The following CASS4 variants were observed in gnomAD, a reference collection of about 807,000 sequenced individuals.
CASS4 encodes Cas scaffold protein family member 4.
Under a neutral mutation model 54.2 loss-of-function variants are expected in CASS4, and 22 were observed. That is an observed-to-expected ratio of 0.41 (90% confidence interval 0.29 to 0.58). CASS4 has a LOEUF of 0.58. CASS4 is among the 20% of genes least tolerant of loss of function. CASS4 has a pLI of 0.36. For synonymous variants in CASS4, 409 were observed against 391.5 expected (o/e 1.04, Z -0.53); for missense variants, 854 against 986.7 (o/e 0.87, Z 1.80).
At chr20:56,415,821 C>T (rs1331399865) in intron 1 of CASS4, among the ~76,000 whole-genome samples, 1 of 152,200 alleles carries the variant, frequency 6.6e-6, no homozygotes, top group African/African-American at 2.4e-5. Flanking sequence ...GCTCCGTTGC[C>T]AGTAGAGCTG....
At chr20:56,441,678 T>C (rs1980466364) in intron 2 of CASS4, among the ~76,000 whole-genome samples, 1 of 152,148 alleles carries the variant, frequency 6.6e-6, no homozygotes, top group African/African-American at 2.4e-5. Context: ...ATGTGGTCTG[T>C]GGCTTACAAC....
intron 1 of CASS4, among the ~76,000 whole-genome samples, chr20:56,428,856 C>G (rs571513593): frequency 6.6e-6 from 1 of 152,328 alleles, no homozygotes; most frequent in South Asian, 2.1e-4. Flanking sequence ...GGTCATTAAT[C>G]TCTCCTAGTC....
At chr20:56,443,478 A>AAAAG (rs1215208023) in intron 2 of CASS4, among the ~76,000 whole-genome samples, 4 of 151,450 alleles carry the variant, frequency 2.6e-5, no homozygotes, top group Admixed American at 2.6e-4. Context: ...CCAAAAAAAA[A>AAAAG]AAGAAGCTTG....
At chr20:56,453,462 G>A (rs1981140192) in intron 5 of CASS4, 1 of 194,076 alleles carries the variant, frequency 5.2e-6, no homozygotes, top group Admixed American at 5.6e-5. Context: ...TCACCACCAA[G>A]TCTCCTTGCA....
At chr20:56,458,014 C>CAAA (rs11355939) in intron 5 of CASS4, among the ~76,000 whole-genome samples, 3 of 76,510 alleles carry the variant, frequency 3.9e-5, no homozygotes, top group Non-Finnish European at 7.8e-5. Context: ...AACTCTGTCT[C>CAAA]AAAAAAAAAA....
intron 1 of CASS4, among the ~76,000 whole-genome samples, chr20:56,420,538 G>A (rs1477674535): frequency 2.7e-5 from 4 of 150,526 alleles, no homozygotes; most frequent in South Asian, 2.1e-4. Flanking sequence ...ACTGGTGCAC[G>A]CCACCATGCC....
Position 56,450,587 on chromosome 20 carries a change from G to GTCCTTC in CASS4, c.562-10_562-9insCTTCTC. On this transcript the variant is annotated splice_polypyrimidine_tract_variant and intron_variant, in intron 3 of 5. Coordinates refer to ENST00000679887, the MANE Select transcript of CASS4 (RefSeq NM_020356.4). ...AACATTCAAGTTGTCTGCCTTTGTG[G>GTCCTTC]TCTTTCCCCAGGAGCCAGAGAAGCA... The GTCCTTC allele has an allele frequency of 6.2e-7, 1 of 1,613,646 alleles. No homozygotes were observed.
At chr20:56,413,585 AT>A (rs1978988418) in intron 1 of CASS4, among the ~76,000 whole-genome samples, 1 of 149,736 alleles carries the variant, frequency 6.7e-6, no homozygotes, top group South Asian at 2.1e-4. Context: ...AGGCACAAGA[AT>A]CGCTTGAGCC....
At chr20:56,433,419 G>A (rs1337705864) in intron 1 of CASS4, among the ~76,000 whole-genome samples, 2 of 152,178 alleles carry the variant, frequency 1.3e-5, no homozygotes, top group Admixed American at 6.5e-5. Context: ...GAGTCTGGAA[G>A]TGTGGGAAGA....
chr20:56,450,762 G>A lies in CASS4; in HGVS notation c.642+83G>A, dbSNP rs148258264. 228 of 1,316,408 alleles carry A rather than the reference G, an allele frequency of 1.7e-4. 1 individual carries two copies. In the East Asian group the frequency reaches 5.5e-3, roughly 32 times the overall value. The allele number at this position is 1,316,408 out of a possible 1,614,324, so 81.5% of individuals were successfully genotyped here. ...ATGTTATTAGCTTGGGGCCAGGCAC[G>A]GTGGCTGAAGCCTGTAATCCCAGCA... On this transcript the variant is annotated intron_variant, in intron 4 of 5. Transcript: ENST00000679887.
intron 1 of CASS4, among the ~76,000 whole-genome samples, chr20:56,436,907 C>A (rs1220441176): frequency 6.6e-6 from 1 of 151,976 alleles, no homozygotes; most frequent in Non-Finnish European, 1.5e-5. Context: ...ACAAACAGGG[C>A]CATGAAAGCA....
At chr20:56,426,288 AGT>A (rs1160738064) in intron 1 of CASS4, among the ~76,000 whole-genome samples, 3 of 152,226 alleles carry the variant, frequency 2.0e-5, no homozygotes, top group African/African-American at 7.2e-5. Context: ...TGTTAGTTAT[AGT>A]ACCTGCTTCA....
intron 1 of CASS4, among the ~76,000 whole-genome samples, chr20:56,420,115 A>C (rs1166252448): frequency 1.3e-5 from 2 of 152,176 alleles, no homozygotes; most frequent in Non-Finnish European, 2.9e-5. Flanking sequence ...TTCACAGGCA[A>C]TTTGAGGCCA....
chr20:56,426,450 C>T (rs894529427), intron 1 of CASS4, among the ~76,000 whole-genome samples: 4 of 152,168 alleles, frequency 2.6e-5, no homozygotes, highest in Non-Finnish European at 4.4e-5. Flanking sequence ...AGTTAGAGTG[C>T]GACAGACACT....
At chr20:56,417,385 C>G (rs545775151) in intron 1 of CASS4, among the ~76,000 whole-genome samples, 113 of 152,342 alleles carry the variant, frequency 7.4e-4, no homozygotes, top group African/African-American at 2.7e-3. Flanking sequence ...GGATTCTTCT[C>G]TCTCTAGCAA....
rs200954227 is a variant in CASS4, at chr20:56,434,436, CTTAT to C, written c.37-2713_37-2710del. The stretch of plus-strand genomic sequence containing the variant: ...GACACGGAAAGATGCTCACAATTTA[CTTAT>C]TTATTTATTTATTTGAGATGGAGTC... On this transcript the variant is annotated intron_variant, in intron 1 of 5. Transcript: ENST00000679887. 2.2e-4 allele frequency among the ~76,000 whole-genome samples: 34 copies of C among 151,918 alleles called. No individual in the cohort carries two copies. The South Asian group carries it at 2.7e-3, about 12-fold the overall frequency.
intron 1 of CASS4, among the ~76,000 whole-genome samples, chr20:56,420,115 A>G (rs1166252448): frequency 6.6e-6 from 1 of 152,176 alleles, no homozygotes; most frequent in Non-Finnish European, 1.5e-5. Context: ...TTCACAGGCA[A>G]TTTGAGGCCA....
At chr20:56,442,111 C>A (rs1282547408) in intron 2 of CASS4, among the ~76,000 whole-genome samples, 2 of 149,876 alleles carry the variant, frequency 1.3e-5, no homozygotes, top group Non-Finnish European at 2.9e-5. Context: ...TGGAACACAG[C>A]CTTTGTGAGG....
At chr20:56,418,702 G>A (rs981462111) in intron 1 of CASS4, among the ~76,000 whole-genome samples, 1 of 152,020 alleles carries the variant, frequency 6.6e-6, no homozygotes, top group African/African-American at 2.4e-5. Context: ...TCGCCGTGTC[G>A]GGTGGGGAGT....
Sources: allele counts gnomAD v4.1 joint callset (sites outside exome capture counted in the v4.1 genomes callset), GRCh38; gene constraint gnomAD v4.1.1; transcripts MANE v1.5; gene names NCBI Gene and HGNC (gene_info 2026-07-23, HGNC 2026-07-21).